Variants in STXBP5 observed in about 807,000 individuals in gnomAD.
STXBP5 encodes syntaxin-binding protein 5.
STXBP5 carries 50 observed loss-of-function variants against 152.4 expected under a neutral mutation model. The observed-to-expected ratio is 0.33, with a 90% confidence interval of 0.26 to 0.42. STXBP5 has a LOEUF of 0.42. Among genes scored for constraint, STXBP5 ranks in the 10% least tolerant of loss-of-function variants. STXBP5 has a pLI of 1.00. For missense variants in STXBP5, 1,167 were observed against 1,388.6 expected (o/e 0.84, Z 2.54); for synonymous variants, 492 against 494.7 (o/e 0.99, Z 0.07).
chr6:147,353,121 C>T (rs1406358757), intron 21 of STXBP5, among the ~76,000 whole-genome samples: 4 of 151,880 alleles, frequency 2.6e-5, no homozygotes, highest in South Asian at 2.1e-4. Context: ...TCAGCCTGGG[C>T]GATTGAGTGA....
In STXBP5 at chr6:147,256,061, G is replaced by A. The variant is rs187223375; in HGVS notation, c.432-4554G>A. Among the ~76,000 whole-genome samples, 214 of 152,268 alleles carry A rather than the reference G, an allele frequency of 1.4e-3. 1 individual carries two copies. Among genetic ancestry groups the A allele is most frequent in the South Asian group, 1.7e-3 (8 of 4,816 alleles). On this transcript the variant is annotated intron_variant, in intron 4 of 27. Coordinates refer to ENST00000321680, the MANE Select transcript of STXBP5 (RefSeq NM_001127715.4). ...TAGCTGTTTAAAAGAATGTTTGGAA[G>A]GGTACAGACTTACTGAGTTTTAGAA... is the stretch of plus-strand genomic sequence containing the variant.
intron 2 of STXBP5, among the ~76,000 whole-genome samples, chr6:147,213,471 T>TGG (rs1210162851): frequency 8.2e-6 from 1 of 121,482 alleles, no homozygotes; most frequent in Non-Finnish European, 1.8e-5. Flanking sequence ...TGTGTGTGTG[T>TGG]GTGTGTGCGC....
intron 2 of STXBP5, among the ~76,000 whole-genome samples, chr6:147,228,275 C>T (rs1466433364): frequency 6.6e-6 from 1 of 152,056 alleles, no homozygotes; most frequent in Non-Finnish European, 1.5e-5. Flanking sequence ...AGTCTTTGTT[C>T]TATAATTAGA....
intron 16 of STXBP5, among the ~76,000 whole-genome samples, chr6:147,322,186 T>C (rs1440314965): frequency 6.6e-6 from 1 of 152,122 alleles, no homozygotes; most frequent in Non-Finnish European, 1.5e-5. Flanking sequence ...TTCATAGAAG[T>C]AGAAGATAGA....
chr6:147,343,520 C>T (rs898818311), intron 21 of STXBP5, among the ~76,000 whole-genome samples: 5 of 152,136 alleles, frequency 3.3e-5, no homozygotes, highest in African/African-American at 4.8e-5. Flanking sequence ...TTAAGTGACA[C>T]ATCCAAAGTA....
chr6:147,281,677 T>G (rs1385646271), intron 8 of STXBP5, among the ~76,000 whole-genome samples: 1 of 152,220 alleles, frequency 6.6e-6, no homozygotes, highest in Non-Finnish European at 1.5e-5. Flanking sequence ...TTTACAGTAT[T>G]ACCTTGATTG....
At chr6:147,260,342 C>T (rs529807875) in intron 4 of STXBP5, among the ~76,000 whole-genome samples, 2 of 152,216 alleles carry the variant, frequency 1.3e-5, no homozygotes, top group African/African-American at 2.4e-5. Context: ...CCCAAGGTTA[C>T]GCAGTTAGTG....
In STXBP5 at chr6:147,389,623, A is replaced by G. The variant is rs1252039106; in HGVS notation, c.*4868A>G. The G allele has an allele frequency of 6.6e-6, 1 of 151,846 alleles. No individual in the cohort carries two copies. Among genetic ancestry groups the G allele is most frequent in the African/African-American group, 2.4e-5 (1 of 41,412 alleles). The allele number at this position is 151,846 out of a possible 1,614,324, so 9.4% of individuals were successfully genotyped here. On this transcript the variant is annotated 3_prime_UTR_variant, in exon 28 of 28. Coordinates refer to ENST00000321680, the MANE Select transcript of STXBP5 (RefSeq NM_001127715.4). ...GTATTTATTGTAGGTTGTTTGATTC[A>G]GGCATTTCAAATGGATATAGGTTAA...
intron 21 of STXBP5, 71 bp downstream of exon 21, chr6:147,339,455 T>C: frequency 3.5e-6 from 4 of 1,137,852 alleles, no homozygotes; most frequent in South Asian, 2.0e-5. Context: ...ACCAGAATTA[T>C]CCAGTGCATT....
intron 2 of STXBP5, among the ~76,000 whole-genome samples, chr6:147,231,109 G>T (rs1313409676): frequency 6.6e-6 from 1 of 151,578 alleles, no homozygotes; most frequent in Non-Finnish European, 1.5e-5. Flanking sequence ...AATAGATAAG[G>T]TTTTACTGGC....
chr6:147,332,460 TATC>T (rs758239118), intron 18 of STXBP5, among the ~76,000 whole-genome samples: 2 of 152,234 alleles, frequency 1.3e-5, no homozygotes, highest in Admixed American at 6.5e-5. Flanking sequence ...AGAGAGCTAT[TATC>T]CATGAGGATG....
intron 2 of STXBP5, among the ~76,000 whole-genome samples, chr6:147,219,860 G>A (rs1272371418): frequency 2.4e-5 from 1 of 40,972 alleles, no homozygotes; most frequent in African/African-American, 9.7e-5. Context: ...TTTCTCTTTT[G>A]ATCTCCTGTA....
At chr6:147,295,002 T>C (rs948388148) in intron 9 of STXBP5, among the ~76,000 whole-genome samples, 2 of 152,198 alleles carry the variant, frequency 1.3e-5, no homozygotes, top group African/African-American at 4.8e-5. Context: ...TTACTAACTG[T>C]ATTATCTTTG....
chr6:147,215,485 A>G (rs138722178), intron 2 of STXBP5, among the ~76,000 whole-genome samples: 1 of 152,004 alleles, frequency 6.6e-6, no homozygotes, highest in African/African-American at 2.4e-5. Flanking sequence ...GGCTCAAGGG[A>G]TCCTCCCACC....
At chr6:147,264,110 G>A (rs1032038575) in intron 6 of STXBP5, among the ~76,000 whole-genome samples, 1 of 151,370 alleles carries the variant, frequency 6.6e-6, no homozygotes, top group Admixed American at 6.6e-5. Context: ...AAATATTAGG[G>A]TGCTAGAATA....
At chr6:147,229,749 G>A (rs1345180359) in intron 2 of STXBP5, among the ~76,000 whole-genome samples, 3 of 151,212 alleles carry the variant, frequency 2.0e-5, no homozygotes, top group African/African-American at 4.9e-5. Context: ...ATTCATTCCA[G>A]TTTTTTTTAG....
chr6:147,221,208 A>G (rs1777441919), intron 2 of STXBP5, among the ~76,000 whole-genome samples: 2 of 152,166 alleles, frequency 1.3e-5, no homozygotes, highest in South Asian at 4.1e-4. Context: ...CTGATCACTT[A>G]TGTCATTGCT....
chr6:147,217,359 T>C (rs911642575), intron 2 of STXBP5, among the ~76,000 whole-genome samples: 6 of 152,228 alleles, frequency 3.9e-5, no homozygotes, highest in African/African-American at 1.2e-4. Flanking sequence ...GAATGGATGC[T>C]GGGATAAAAA....
At chr6:147,278,053 T>TTAAATGGTA in intron 7 of STXBP5, 28 bp from the exon 8 acceptor site, 1 of 1,578,530 alleles carries the variant, frequency 6.3e-7, no homozygotes, top group Non-Finnish European at 8.6e-7. Context: ...AATAGATTTT[T>TTAAATGGTA]TAAATGGTAT....
Sources: allele counts gnomAD v4.1 joint callset (sites outside exome capture counted in the v4.1 genomes callset), GRCh38; gene constraint gnomAD v4.1.1; transcripts MANE v1.5; gene names NCBI Gene and HGNC (gene_info 2026-07-23, HGNC 2026-07-21).